The following ADGRV1 variants were observed in gnomAD, a reference collection of about 807,000 sequenced individuals.
ADGRV1 encodes the protein adhesion G protein-coupled receptor V1.
ADGRV1 carries 359 observed loss-of-function variants against 596.2 expected under a neutral mutation model. That is an observed-to-expected ratio of 0.60 (90% CI 0.55 to 0.66). The LOEUF (loss-of-function observed/expected upper bound fraction) is 0.66. Among genes scored for constraint, ADGRV1 ranks in the 30% least tolerant of loss-of-function variants. The probability of loss-of-function intolerance (pLI) is 0.00; values close to 1 mark genes in which losing one functional copy is unlikely to be tolerated. For missense variants in ADGRV1, 7,274 were observed against 7,575.6 expected (o/e 0.96, Z 1.48); for synonymous variants, 2,681 against 2,679.2 (o/e 1.00, Z -0.02).
At chr5:90,903,144 C>T (rs1772004384) in intron 83 of ADGRV1, among the ~76,000 whole-genome samples, 1 of 151,956 alleles carries the variant, frequency 6.6e-6, no homozygotes, top group Non-Finnish European at 1.5e-5. Context: ...TAAGATTTAC[C>T]AACTTAAGAA....
Position 91,072,459 on chromosome 5 carries a change from A to G in ADGRV1, c.18165A>G (p.Pro6055=), listed in dbSNP as rs755163082. ...GLIHGDLCFI[P]NVYAALFTAA... ...ATTTCTCTTCCAGGTGTTTTATTCC[A>G]AACGTCTATGCTGCTTTGTTCACTG... Residue 6055 remains proline (P), a synonymous_variant, in exon 86 of 90, where the codon CCA becomes CCG. Transcript: ENST00000405460. 3.1e-6 allele frequency: 5 copies of G among 1,613,634 alleles called. No individual in the cohort carries two copies. In the South Asian group the frequency reaches 5.5e-5, roughly 18 times the overall value.
chr5:90,942,328 A>T (rs963172886), intron 83 of ADGRV1, among the ~76,000 whole-genome samples: 1 of 152,214 alleles, frequency 6.6e-6, no homozygotes, highest in African/African-American at 2.4e-5. Context: ...TAATTCTGGA[A>T]AAACAGTGGA....
intron 77 of ADGRV1, among the ~76,000 whole-genome samples, 198 bp from the exon 78 acceptor site, chr5:90,840,380 G>C (rs1199925499): frequency 1.3e-5 from 2 of 152,110 alleles, no homozygotes; most frequent in African/African-American, 4.8e-5. Context: ...TCTCATCACT[G>C]TATGTTATGT....
intron 87 of ADGRV1, among the ~76,000 whole-genome samples, chr5:91,136,915 G>T (rs1407352875): frequency 6.6e-6 from 1 of 152,038 alleles, no homozygotes; most frequent in African/African-American, 2.4e-5. Flanking sequence ...TACAAGAATT[G>T]ATCACTCCAT....
chr5:91,020,015 G>A (rs556866859), intron 85 of ADGRV1, among the ~76,000 whole-genome samples: 5 of 152,106 alleles, frequency 3.3e-5, no homozygotes, highest in East Asian at 1.9e-4. Context: ...AGTGATTAAA[G>A]TATGTCATGT....
chr5:91,068,475 A>C (rs750680381), intron 85 of ADGRV1, among the ~76,000 whole-genome samples: 5 of 152,042 alleles, frequency 3.3e-5, no homozygotes, highest in Non-Finnish European at 7.4e-5. Context: ...TCTCAAAAAA[A>C]AAAAAGAACT....
At chr5:91,057,666 A>G (rs1016227018) in intron 85 of ADGRV1, among the ~76,000 whole-genome samples, 5 of 152,360 alleles carry the variant, frequency 3.3e-5, no homozygotes, top group African/African-American at 1.2e-4. Flanking sequence ...TCCTTATGAT[A>G]AAATATTTTT....
rs983269557 is a variant in ADGRV1 at position 90,865,907 on chromosome 5, C to T, written c.17856+2050C>T. ...TTGCCAACAGGAGTTATTACAGTTC[C>T]AGCCTTGGATCTTTCATTTGGGATC... On this transcript the variant is annotated intron_variant, in intron 83 of 89. Coordinates refer to ENST00000405460, the MANE Select transcript of ADGRV1 (RefSeq NM_032119.4). 2.0e-5 allele frequency among the ~76,000 whole-genome samples: 3 copies of T among 152,066 alleles called. No individual in the cohort carries two copies. In the South Asian group the frequency reaches 6.2e-4, roughly 31 times the overall value.
chr5:90,960,382 A>T (rs955618771), intron 83 of ADGRV1, among the ~76,000 whole-genome samples: 1 of 152,150 alleles, frequency 6.6e-6, no homozygotes, highest in Non-Finnish European at 1.5e-5. Context: ...AACACCTACT[A>T]TGTTCAAACT....
At chr5:90,978,276 C>G (rs539172432) in intron 84 of ADGRV1, among the ~76,000 whole-genome samples, 2 of 150,400 alleles carry the variant, frequency 1.3e-5, no homozygotes, top group African/African-American at 5.0e-5. Flanking sequence ...GACTGGGGGA[C>G]AGAGCGAGAC....
At position 90,807,653 on chromosome 5, in the gene ADGRV1, C is replaced by G. The variant is rs375625863; in HGVS notation, c.14888C>G (p.Thr4963Arg). The change falls in exon 73 of 90, where the codon ACG (threonine) becomes AGG (arginine). Residue 4963 changes from threonine (T) to arginine (R), a missense_variant. By Grantham distance (71) the Thr-to-Arg change is moderately conservative. This residue lies in a region of ADGRV1 where 1,874 missense variants were observed against 1,970.2 expected (regional missense o/e 0.95). Transcript: ENST00000405460. ...GEQRKGVFLW[T>R]FPSPGWPEAF... is the part of the protein sequence containing the mutation. ...CAAAGGAAAGGAGTTTTCCTGTGGA[C>G]GTTTCCTAGCCCTGGTTGGCCAGAG... The G allele has an allele frequency of 1.2e-6, 2 of 1,613,120 alleles. No individual in the cohort carries two copies. The highest frequency in any genetic ancestry group is 1.7e-6 in the Non-Finnish European group (2 of 1,179,224).
chr5:90,795,642 C>G (rs1760616896), intron 70 of ADGRV1, among the ~76,000 whole-genome samples: 1 of 152,314 alleles, frequency 6.6e-6, no homozygotes, highest in South Asian at 2.1e-4. Flanking sequence ...AGCGTTCAAG[C>G]TCTACTAAGG....
Position 90,791,172 on chromosome 5 carries a change from A to G in ADGRV1, c.14343A>G (p.Arg4781=), listed in dbSNP as rs2150134921. 1 of 1,613,956 alleles carries G rather than the reference A, an allele frequency of 6.2e-7. No homozygotes were observed. Among genetic ancestry groups the G allele is most frequent in the Non-Finnish European group, 8.5e-7 (1 of 1,179,896 alleles). The change falls in exon 70 of 90, where the codon AGA becomes AGG. Residue 4781 remains arginine, a synonymous_variant. Coordinates refer to ENST00000405460, the MANE Select transcript of ADGRV1 (RefSeq NM_032119.4). ...TACTTATTGGGCAGAACCTTATTAGATCCATCCAAATTAACATAACCCGGC... is the reference window on the plus strand; with the variant it reads ...TACTTATTGGGCAGAACCTTATTAGGTCCATCCAAATTAACATAACCCGGC... The part of the protein sequence containing the change: ...QSILIGQNLI[R]SIQINITRLA...
At chr5:90,665,788 C>T (rs991898968) in intron 21 of ADGRV1, among the ~76,000 whole-genome samples, 7 of 149,968 alleles carry the variant, frequency 4.7e-5, no homozygotes, top group South Asian at 2.1e-4. Flanking sequence ...GCTTTGAATG[C>T]GTCCCAGAGA....
At chr5:90,646,171 T>A in intron 16 of ADGRV1, 80 bp downstream of exon 16, 9 of 871,836 alleles carry the variant, frequency 1.0e-5, no homozygotes, top group Non-Finnish European at 1.4e-5. Flanking sequence ...CGTGCATATA[T>A]ACATTTATAT....
At chr5:90,830,641 T>C (rs1047318009) in intron 77 of ADGRV1, among the ~76,000 whole-genome samples, 2 of 152,190 alleles carry the variant, frequency 1.3e-5, no homozygotes, top group Non-Finnish European at 2.9e-5. Flanking sequence ...AAATGCATGC[T>C]GTCAGTAGTG....
At chr5:90,822,566 G>A (rs1265877701) in intron 75 of ADGRV1, among the ~76,000 whole-genome samples, 3 of 152,148 alleles carry the variant, frequency 2.0e-5, no homozygotes, top group Non-Finnish European at 4.4e-5. Flanking sequence ...GTAGCGTGAT[G>A]CCTCCAGCTT....
Position 90,778,991 on chromosome 5 carries a change from G to T in ADGRV1, c.12976G>T (p.Ala4326Ser), listed in dbSNP as rs377347874. The T allele has an allele frequency of 2.5e-6, 4 of 1,613,300 alleles. No individual in the cohort carries two copies. Among genetic ancestry groups the T allele is most frequent in the African/African-American group, 2.7e-5 (2 of 74,890 alleles). The change falls in exon 64 of 90, where the codon GCA (alanine) becomes TCA (serine). Residue 4326 changes from alanine to serine, a missense_variant. Ala to Ser is a moderately conservative substitution (Grantham distance 99). Coordinates refer to ENST00000405460, the MANE Select transcript of ADGRV1 (RefSeq NM_032119.4). ...VPAAGELLFEAGEMRKSLHVE... is the reference protein window; with the variant it reads ...VPAAGELLFESGEMRKSLHVE... ...TGCAGCAGGGGAGCTCCTCTTTGAA[G>T]CAGGGGAGATGAGGAAAAGTCTGCA...
intron 5 of ADGRV1, among the ~76,000 whole-genome samples, chr5:90,624,672 G>C (rs1166166023): frequency 1.1e-4 from 17 of 152,218 alleles, no homozygotes; most frequent in Non-Finnish European, 2.2e-4. Context: ...AGGGGAATTT[G>C]CTGTGTTCAC....
Sources: allele counts gnomAD v4.1 joint callset (sites outside exome capture counted in the v4.1 genomes callset), GRCh38; gene constraint gnomAD v4.1.1; regional missense constraint gnomAD v4.1.1; transcripts MANE v1.5; gene names NCBI Gene and HGNC (gene_info 2026-07-23, HGNC 2026-07-21).